PABIR3: variants seen among roughly 807,000 people sequenced by gnomAD.
The protein encoded by PABIR3 is PABIR family member 1.
A neutral mutation model predicts 23.1 loss-of-function variants in PABIR3; 20 were observed. That is an observed-to-expected ratio of 0.86 (90% CI 0.61 to 1.26). The LOEUF is 1.26. Ranked by LOEUF, PABIR3 falls within the 50% of genes most tolerant of loss-of-function variation. PABIR3 has a pLI of 0.00. For synonymous variants in PABIR3, 69 were observed against 68.5 expected (o/e 1.01, Z -0.04); for missense variants, 189 against 195.4 (o/e 0.97, Z 0.20).
At chrX:134,808,804 A>G (rs1231141110) in intron 2 of PABIR3, among the ~76,000 whole-genome samples, 1 of 112,466 alleles carries the variant, frequency 8.9e-6, no homozygotes, top group Non-Finnish European at 1.9e-5. Context: ...GACGTGAGCC[A>G]CTGCTCCTGG....
At chrX:134,856,902 C>T (rs762484563), downstream of PABIR3, among the ~76,000 whole-genome samples, 2 of 110,761 alleles carry the variant, frequency 1.8e-5, no homozygotes, top group South Asian at 3.9e-4. Context: ...ATCCCAGCTA[C>T]TCAGGAGGCT....
intron 4 of PABIR3, among the ~76,000 whole-genome samples, chrX:134,836,199 C>G (rs191293819): frequency 1.3e-4 from 15 of 111,717 alleles, no homozygotes; most frequent in Non-Finnish European, 2.8e-4. Flanking sequence ...TCCTGAAATC[C>G]TGGCCTCAAG....
At chrX:134,841,732 G>A (rs192660414) in intron 4 of PABIR3, among the ~76,000 whole-genome samples, 148 of 110,648 alleles carry the variant, frequency 1.3e-3, no homozygotes, top group African/African-American at 4.6e-3. Context: ...GGGAGTCTGA[G>A]GCAGGAGAAT....
intron 3 of PABIR3, among the ~76,000 whole-genome samples, chrX:134,827,612 C>T (rs2081561356): frequency 2.7e-5 from 3 of 111,439 alleles, no homozygotes. Context: ...CTCTGGGTTT[C>T]CTATTGTGCT....
intron 2 of PABIR3, chrX:134,810,120 A>G (rs768116258): frequency 1.7e-4 from 127 of 752,257 alleles, no homozygotes; most frequent in Non-Finnish European, 2.0e-4. Context: ...AAGAAGAAAT[A>G]GGTTGCAAAT....
chrX:134,804,266 C>T (rs1443553815), upstream of PABIR3: 13 of 1,114,217 alleles, frequency 1.2e-5, no homozygotes, highest in South Asian at 2.0e-5. Context: ...ATAATGTGTG[C>T]GTAGAAATGG....
intron 3 of PABIR3, among the ~76,000 whole-genome samples, chrX:134,820,012 T>C (rs1282241566): frequency 9.0e-6 from 1 of 111,559 alleles, no homozygotes; most frequent in Non-Finnish European, 1.9e-5. Flanking sequence ...GCCGGGTTAG[T>C]TCAGTGGGCC....
chrX:134,833,679 C>T (rs142233672), intron 4 of PABIR3, among the ~76,000 whole-genome samples: 1,423 of 110,732 alleles, frequency 0.013, 13 homozygotes, highest in Non-Finnish European at 0.019. Flanking sequence ...CCACCCACCC[C>T]GCAACAGGCC....
At chrX:134,812,895 G>C (rs2080754668) in intron 2 of PABIR3, among the ~76,000 whole-genome samples, 1 of 111,984 alleles carries the variant, frequency 8.9e-6, no homozygotes, top group Admixed American at 9.5e-5. Flanking sequence ...TTCATCTGCT[G>C]ATCAGTGCTG....
chrX:134,845,181 A>G (rs1449356207), intron 4 of PABIR3, 24 bp from the exon 5 acceptor site: 20 of 1,159,445 alleles, frequency 1.7e-5, no homozygotes, highest in Non-Finnish European at 2.2e-5. Context: ...TATTCAGTTT[A>G]TTCTCATTTT....
intron 2 of PABIR3, chrX:134,810,095 T>C (rs1336565755): frequency 1.3e-6 from 1 of 752,230 alleles, no homozygotes; most frequent in Admixed American, 8.9e-5. Context: ...TTGGATTTAT[T>C]GAAGACAATA....
chrX:134,819,601 C>A (rs749373504), intron 3 of PABIR3, among the ~76,000 whole-genome samples: 3 of 111,527 alleles, frequency 2.7e-5, no homozygotes, highest in African/African-American at 9.8e-5. Flanking sequence ...GAGACTTAAA[C>A]AGCCTGGGCG....
At chrX:134,852,366 T>A (rs1166779228) in intron 9 of PABIR3, among the ~76,000 whole-genome samples, 2 of 110,793 alleles carry the variant, frequency 1.8e-5, no homozygotes, top group African/African-American at 6.6e-5. Flanking sequence ...TCCCAGCTAC[T>A]CTGGAGGCTG....
Position 134,809,961 on chromosome X carries a change from G to T in PABIR3, c.110+2253G>T, listed in dbSNP as rs1569446216. On this transcript the variant is annotated intron_variant, in intron 2 of 10. Coordinates refer to ENST00000645433, the MANE Select transcript of PABIR3 (RefSeq NM_001388447.1). ...GGCAGGTAGAAAAACATAGAAGGGG[G>T]ACTCTGCATGTTGTGCTGAGAACAA... 3 of 752,670 alleles carry T rather than the reference G, an allele frequency of 4.0e-6. No individual in the cohort carries two copies. The East Asian group carries it at 4.5e-4, about 114-fold the overall frequency. The allele number at this position is 752,670 out of a possible 1,213,427, so 62.0% of individuals were successfully genotyped here.
At chrX:134,811,147 T>C in intron 2 of PABIR3, 1 of 750,912 alleles carries the variant, frequency 1.3e-6, no homozygotes, top group Non-Finnish European at 1.6e-6. Context: ...CACTGTTTTA[T>C]GTATATCTTG....
intron 2 of PABIR3, among the ~76,000 whole-genome samples, chrX:134,811,602 A>G (rs2080672359): frequency 9.1e-6 from 1 of 110,060 alleles, no homozygotes; most frequent in African/African-American, 3.3e-5. Flanking sequence ...GGCCAGGCTA[A>G]TTTTTGTATT....
At chrX:134,806,823 A>G (rs2080265206), upstream of PABIR3, among the ~76,000 whole-genome samples, 1 of 103,673 alleles carries the variant, frequency 9.6e-6, no homozygotes, top group Non-Finnish European at 2.0e-5. Flanking sequence ...CTAAAATTAC[A>G]AAGGTGTAGT....
At chrX:134,797,922 C>A (rs1270916127) in intron 1 of PABIR3, among the ~76,000 whole-genome samples, 1 of 109,139 alleles carries the variant, frequency 9.2e-6, no homozygotes, top group Non-Finnish European at 1.9e-5. Flanking sequence ...TGGGTTCAAG[C>A]GATTCTCTTG....
chrX:134,814,501 C>A (rs2080857479), intron 2 of PABIR3, among the ~76,000 whole-genome samples: 1 of 111,094 alleles, frequency 9.0e-6, no homozygotes, highest in Non-Finnish European at 1.9e-5. Context: ...AGTTCAAGAC[C>A]AGCCTGGCCA....
Sources: allele counts gnomAD v4.1 joint callset (sites outside exome capture counted in the v4.1 genomes callset), GRCh38; gene constraint gnomAD v4.1.1; transcripts MANE v1.5; gene names NCBI Gene and HGNC (gene_info 2026-07-23, HGNC 2026-07-21).